FARS2: variants seen among roughly 807,000 people sequenced by gnomAD.
The protein encoded by FARS2 is phenylalanyl-tRNA synthetase 2, mitochondrial.
A neutral mutation model predicts 46.4 loss-of-function variants in FARS2; 40 were observed. The observed-to-expected ratio is 0.86, with a 90% confidence interval of 0.67 to 1.12. The LOEUF (loss-of-function observed/expected upper bound fraction) is 1.12. Among genes scored for constraint, FARS2 ranks in the 50% most tolerant of loss-of-function variants. FARS2 has a pLI of 0.00. For missense variants in FARS2, 513 were observed against 567.9 expected (o/e 0.90, Z 0.98); for synonymous variants, 234 against 214.9 (o/e 1.09, Z -0.78).
intron 6 of FARS2, among the ~76,000 whole-genome samples, chr6:5,620,841 G>C (rs181268053): frequency 6.6e-6 from 1 of 152,342 alleles, no homozygotes; most frequent in East Asian, 1.9e-4. Context: ...GCTGCCCAGG[G>C]TCTAGTTAGC....
intron 4 of FARS2, among the ~76,000 whole-genome samples, chr6:5,434,550 A>G (rs1763410418): frequency 6.6e-6 from 1 of 152,212 alleles, no homozygotes; most frequent in African/African-American, 2.4e-5. Context: ...CTGTGTTCTC[A>G]AATTCGAAGG....
intron 4 of FARS2, among the ~76,000 whole-genome samples, chr6:5,445,992 G>A (rs1317670750): frequency 6.6e-6 from 1 of 152,172 alleles, no homozygotes; most frequent in Admixed American, 6.5e-5. Context: ...GAGGTCAGGA[G>A]ATCAAGACCA....
intron 6 of FARS2, among the ~76,000 whole-genome samples, chr6:5,666,901 C>T (rs1305717875): frequency 1.3e-5 from 2 of 152,162 alleles, no homozygotes; most frequent in African/African-American, 2.4e-5. Context: ...CAAAAGAATG[C>T]GATCATGTCC....
chr6:5,451,610 A>G (rs1174928050), intron 4 of FARS2: 1 of 152,216 alleles, frequency 6.6e-6, no homozygotes. Context: ...GCATAAGGCT[A>G]ATATAAAATC....
chr6:5,740,413 G>T (rs999886989), intron 6 of FARS2, among the ~76,000 whole-genome samples: 1 of 152,058 alleles, frequency 6.6e-6, no homozygotes, highest in African/African-American at 2.4e-5. Flanking sequence ...TACCAATGAG[G>T]TAAGTAAATA....
chr6:5,429,895 C>G (rs1223477325), intron 3 of FARS2, among the ~76,000 whole-genome samples: 4 of 150,784 alleles, frequency 2.7e-5, no homozygotes, highest in Non-Finnish European at 5.9e-5. Flanking sequence ...GTGGCCCAGT[C>G]ACCTGCTAGC....
intron 6 of FARS2, among the ~76,000 whole-genome samples, chr6:5,737,434 G>A (rs966982774): frequency 6.6e-6 from 1 of 152,222 alleles, no homozygotes; most frequent in Non-Finnish European, 1.5e-5. Context: ...AAGAGGCTAA[G>A]GCAGAAGAAT....
intron 1 of FARS2, among the ~76,000 whole-genome samples, chr6:5,334,676 T>G (rs1313099470): frequency 6.6e-6 from 1 of 152,232 alleles, no homozygotes; most frequent in East Asian, 1.9e-4. Flanking sequence ...GCATGTATAC[T>G]TATACATACA....
chr6:5,523,131 C>T (rs1029179974), intron 4 of FARS2, among the ~76,000 whole-genome samples: 6 of 152,224 alleles, frequency 3.9e-5, no homozygotes, highest in Non-Finnish European at 8.8e-5. Context: ...CTGCCAGAGT[C>T]TTCCTCATTC....
At chr6:5,442,652 C>T (rs1464527970) in intron 4 of FARS2, among the ~76,000 whole-genome samples, 13 of 152,008 alleles carry the variant, frequency 8.6e-5, no homozygotes, top group African/African-American at 2.7e-4. Flanking sequence ...AAGCATTTAC[C>T]CTCTCTTTCC....
chr6:5,259,470 G>A (rs944257805), upstream of FARS2, among the ~76,000 whole-genome samples: 1 of 152,226 alleles, frequency 6.6e-6, no homozygotes, highest in African/African-American at 2.4e-5. Context: ...GTATGACCCA[G>A]ATGCTGTTTT....
intron 1 of FARS2, among the ~76,000 whole-genome samples, chr6:5,302,568 G>A (rs1768394820): frequency 6.6e-6 from 1 of 152,266 alleles, no homozygotes; most frequent in East Asian, 1.9e-4. Flanking sequence ...CTTAGGAGGT[G>A]GACACTATTA....
chr6:5,448,759 T>C (rs1006700241), intron 4 of FARS2, among the ~76,000 whole-genome samples: 1 of 152,240 alleles, frequency 6.6e-6, no homozygotes, highest in Non-Finnish European at 1.5e-5. Context: ...ATAATTCTTA[T>C]AGACATCATG....
In FARS2 at chr6:5,368,557, G is replaced by A. The variant is rs1758824475; in HGVS notation, c.-14G>A. On this transcript the variant is annotated 5_prime_UTR_variant, in exon 2 of 7. Transcript: ENST00000274680. The stretch of plus-strand genomic sequence containing the variant: ...CCTGTGTGCTCTTTCCAGAACCTGT[G>A]AGAAGTTTCTACAATGGTGGGCTCA... 6.3e-7 allele frequency: 1 copy of A among 1,593,970 alleles called. No individual in the cohort carries two copies.
At chr6:5,681,495 G>A (rs1478927188) in intron 6 of FARS2, among the ~76,000 whole-genome samples, 7 of 152,138 alleles carry the variant, frequency 4.6e-5, no homozygotes, top group East Asian at 1.9e-4. Context: ...ATGCCTTCCC[G>A]TAGTTCCCAA....
At chr6:5,505,114 A>T (rs376371615) in intron 4 of FARS2, among the ~76,000 whole-genome samples, 1 of 152,236 alleles carries the variant, frequency 6.6e-6, no homozygotes, top group African/African-American at 2.4e-5. Flanking sequence ...TGTGGTACCT[A>T]CTTTCACTCT....
chr6:5,324,443 CTTTTTTTTTTTTTT>C (rs745311767), intron 1 of FARS2, among the ~76,000 whole-genome samples: 1 of 88,262 alleles, frequency 1.1e-5, no homozygotes, highest in African/African-American at 4.3e-5. Flanking sequence ...AGACTATTTG[CTTTTTTTTTTTTTT>C]TTTTTTTTTA....
At chr6:5,717,042 T>C (rs956806450) in intron 6 of FARS2, among the ~76,000 whole-genome samples, 1 of 152,252 alleles carries the variant, frequency 6.6e-6, no homozygotes. Flanking sequence ...AAGTCCTGTC[T>C]CTTCAGATTC....
intron 6 of FARS2, among the ~76,000 whole-genome samples, chr6:5,715,410 A>G (rs1206713217): frequency 6.6e-6 from 1 of 152,152 alleles, no homozygotes; most frequent in Non-Finnish European, 1.5e-5. Context: ...AAACGTTTTC[A>G]TGACCCCGAA....
Sources: allele counts gnomAD v4.1 joint callset (sites outside exome capture counted in the v4.1 genomes callset), GRCh38; gene constraint gnomAD v4.1.1; transcripts MANE v1.5; gene names NCBI Gene and HGNC (gene_info 2026-07-23, HGNC 2026-07-21).